The following ZNF577 variants were observed in gnomAD, a reference collection of about 807,000 sequenced individuals.
ZNF577 encodes zinc finger protein 577.
A neutral mutation model predicts 13.9 loss-of-function variants in ZNF577; 14 were observed. The observed-to-expected ratio is 1.00, with a 90% CI of 0.66 to 1.57. ZNF577 has a LOEUF of 1.57. Ranked by LOEUF, ZNF577 falls within the 40% of genes most tolerant of loss-of-function variation. The pLI is 0.00. For synonymous variants in ZNF577, 203 were observed against 202.9 expected, an observed-to-expected ratio of 1.00 and a Z score of 0.00; for missense variants, 555 against 579.2, an observed-to-expected ratio of 0.96 and a Z score of 0.43.
chr19:51,886,373 C>T (rs1266125891), intron 1 of ZNF577: 1 of 152,124 alleles, frequency 6.6e-6, no homozygotes, highest in African/African-American at 2.4e-5. Flanking sequence ...ATCTATACCA[C>T]CATTCAGTCC....
chr19:51,822,725 C>G (rs1171852324), intron 9 of ZNF577, among the ~76,000 whole-genome samples: 1 of 152,222 alleles, frequency 6.6e-6, no homozygotes, highest in Admixed American at 6.5e-5. Context: ...CATGCTCATT[C>G]TGTTTATCCC....
At position 51,887,786 on chromosome 19, in the gene ZNF577, G is replaced by T. The variant is rs906560069; in HGVS notation, c.-1184C>A. 1.3e-5 allele frequency: 2 copies of T among 151,240 alleles called. No individual in the cohort carries two copies. The highest frequency in any genetic ancestry group is 4.9e-5 in the African/African-American group (2 of 41,132). 9.4% of individuals were successfully genotyped at this position (151,240 alleles called of 1,614,324 possible). A position where few individuals can be genotyped will look rare whatever the true frequency, so the allele number is the denominator to read the frequency against. The stretch of plus-strand genomic sequence containing the variant: ...GCTAGCGAACAACAGAAAAAAAAAA[G>T]CGCGCTCTCCCTGCCCCTGAAACAT... On this transcript the variant is annotated 5_prime_UTR_variant, in exon 1 of 6. Coordinates refer to ENST00000638348, the MANE Select transcript of ZNF577 (RefSeq NM_001370449.1).
At chr19:51,863,470 G>A (rs952194715), downstream of ZNF577, among the ~76,000 whole-genome samples, 7 of 152,278 alleles carry the variant, frequency 4.6e-5, no homozygotes, top group Admixed American at 4.6e-4. Flanking sequence ...TTTGATCACA[G>A]TATTCTGATT....
intron 9 of ZNF577, among the ~76,000 whole-genome samples, chr19:51,820,302 T>C (rs74526737): frequency 0.028 from 4,335 of 152,326 alleles, 162 homozygotes; most frequent in African/African-American, 0.087. Context: ...ATTGTGACAT[T>C]GAACAAGTCA....
At chr19:51,882,993 A>T (rs1369737146) in intron 1 of ZNF577, among the ~76,000 whole-genome samples, 42 of 133,038 alleles carry the variant, frequency 3.2e-4, no homozygotes, top group East Asian at 2.0e-3. Context: ...TTTAAAAAAA[A>T]TTTTTTTTTT....
At chr19:51,854,380 G>A (rs2084397245) in intron 5 of ZNF577, among the ~76,000 whole-genome samples, 1 of 151,822 alleles carries the variant, frequency 6.6e-6, no homozygotes, top group Non-Finnish European at 1.5e-5. Context: ...TGCAGATGGG[G>A]TGCAGTGCCA....
chr19:51,852,765 T>C lies in ZNF577; in HGVS notation c.284-7834A>G, dbSNP rs1207378958. Among the ~76,000 whole-genome samples the C allele has an allele frequency of 2.6e-5, 4 of 152,340 alleles. No homozygotes were observed. In the East Asian group the frequency reaches 7.7e-4, roughly 29 times the overall value. ...GCTTGATCTGAGTGGTATTACACAG[T>C]TGTCCACATATAGGTGTTCCCATCA... On this transcript the variant is annotated intron_variant and NMD_transcript_variant, in intron 5 of 10. Transcript: ENST00000638827.
At chr19:51,849,662 C>T (rs1280279063) in intron 5 of ZNF577, among the ~76,000 whole-genome samples, 3 of 152,116 alleles carry the variant, frequency 2.0e-5, no homozygotes, top group Non-Finnish European at 1.5e-5. Flanking sequence ...GTTAAGGAAA[C>T]GATACTGGAA....
rs1173520262 is a variant in ZNF577 at position 51,869,209 on chromosome 19, C to T, written c.*3323G>A. Among the ~76,000 whole-genome samples, 2 of 152,174 alleles carry T rather than the reference C, an allele frequency of 1.3e-5. No homozygotes were observed. The highest frequency in any genetic ancestry group is 2.1e-4 in the South Asian group (1 of 4,828). ...ATAAGAGGAAGGCATCTGTCTCTTG[C>T]TCGTCCCTGGGAATGGAATGTCTTG... On this transcript the variant is annotated 3_prime_UTR_variant, in exon 6 of 6. Coordinates refer to ENST00000638348, the MANE Select transcript of ZNF577 (RefSeq NM_001370449.1).
intron 9 of ZNF577, among the ~76,000 whole-genome samples, chr19:51,826,851 G>T (rs2122507371): frequency 6.6e-6 from 1 of 152,320 alleles, no homozygotes; most frequent in Admixed American, 6.5e-5. Context: ...CACTGAGTCT[G>T]CCTTGGAGTG....
Position 51,873,695 on chromosome 19 carries a change from G to C in ZNF577, c.295C>G (p.Gln99Glu). The change falls in exon 6 of 6, where the codon CAG (glutamine) becomes GAG (glutamate). Residue 99 changes from glutamine to glutamate, a missense_variant. Gln to Glu is a conservative substitution (Grantham distance 29). Transcript: ENST00000638348. Reference protein sequence around the residue: ...HSQICPGFVIQSRRYAGKDSD... With the variant: ...HSQICPGFVIESRRYAGKDSD... ...TCTTTTCCTGCATATCTTCTACTCTGGATTACAAAACCTAAATGAGATTTC... is the reference window on the plus strand; with the variant it reads ...TCTTTTCCTGCATATCTTCTACTCTCGATTACAAAACCTAAATGAGATTTC... 6.2e-7 allele frequency: 1 copy of C among 1,605,516 alleles called. No homozygotes were observed. The highest frequency in any genetic ancestry group is 1.7e-4 in the Middle Eastern group (1 of 6,002).
At chr19:51,839,385 C>T (rs1373574796) in intron 9 of ZNF577, among the ~76,000 whole-genome samples, 1 of 152,126 alleles carries the variant, frequency 6.6e-6, no homozygotes, top group East Asian at 1.9e-4. Context: ...CAGAGCAAGA[C>T]TCTTTCTCTA....
At chr19:51,879,526 G>A (rs1036012401) in intron 3 of ZNF577, among the ~76,000 whole-genome samples, 6 of 152,118 alleles carry the variant, frequency 3.9e-5, no homozygotes, top group Non-Finnish European at 8.8e-5. Context: ...CCAAGATTGC[G>A]CCACTGCACT....
At chr19:51,861,654 TG>T (rs894687495) in intron 5 of ZNF577, 1 of 152,268 alleles carries the variant, frequency 6.6e-6, no homozygotes, top group Admixed American at 6.5e-5. Context: ...TCCTTCCTGC[TG>T]GGGTTTCTGA....
rs1272813190 is a variant in ZNF577 at position 51,843,699 on chromosome 19, T to C, written c.*155-384A>G. 2.0e-5 allele frequency among the ~76,000 whole-genome samples: 3 copies of C among 152,200 alleles called. No individual in the cohort carries two copies. In the South Asian group the frequency reaches 6.2e-4, roughly 31 times the overall value. On this transcript the variant is annotated intron_variant and NMD_transcript_variant, in intron 6 of 10. Coordinates refer to the ZNF577 transcript ENST00000638827. ...GCACAGAGTAGCAAATACAGTCCTATGCAGAAAGCCTATGTATTGCATGGT... is the reference window on the plus strand; with the variant it reads ...GCACAGAGTAGCAAATACAGTCCTACGCAGAAAGCCTATGTATTGCATGGT...
chr19:51,839,991 G>C (rs1405383058), exon 9 of ZNF577: 1 of 152,224 alleles, frequency 6.6e-6, no homozygotes, highest in African/African-American at 2.4e-5. Flanking sequence ...AGACTCAGTA[G>C]CACCTTCGCG....
chr19:51,859,031 AT>A (rs781302433), intron 5 of ZNF577, among the ~76,000 whole-genome samples: 1 of 152,140 alleles, frequency 6.6e-6, no homozygotes, highest in Non-Finnish European at 1.5e-5. Context: ...ATAACCACTA[AT>A]TTGCTTTATT....
chr19:51,857,247 C>T (rs868374559), intron 5 of ZNF577, among the ~76,000 whole-genome samples: 15 of 151,204 alleles, frequency 9.9e-5, no homozygotes, highest in African/African-American at 2.7e-4. Flanking sequence ...TGCAGTGAAC[C>T]GATATCGTGC....
chr19:51,816,788 T>A (rs971088765), intron 9 of ZNF577, among the ~76,000 whole-genome samples: 4 of 152,134 alleles, frequency 2.6e-5, no homozygotes, highest in African/African-American at 7.2e-5. Flanking sequence ...TTAGACAGCA[T>A]CAGAACTGAA....
Sources: allele counts gnomAD v4.1 joint callset (sites outside exome capture counted in the v4.1 genomes callset), GRCh38; gene constraint gnomAD v4.1.1; transcripts MANE v1.5; gene names NCBI Gene and HGNC (gene_info 2026-07-23, HGNC 2026-07-21).